The following CCDC85C variants were observed in gnomAD, a reference collection of about 807,000 sequenced individuals.
CCDC85C encodes the protein coiled-coil domain containing 85C.
CCDC85C carries 18 observed loss-of-function variants against 38.3 expected under a neutral mutation model. The ratio of observed to expected loss-of-function variants is 0.47; its 90% CI spans 0.33 to 0.70. The LOEUF is 0.70. Among genes scored for constraint, CCDC85C ranks in the 30% least tolerant of loss-of-function variants. The pLI is 0.03. For synonymous variants in CCDC85C, 264 were observed against 293.8 expected, an observed-to-expected ratio of 0.90 and a Z score of 1.04; for missense variants, 566 against 621.2, an observed-to-expected ratio of 0.91 and a Z score of 0.94.
intron 1 of CCDC85C, among the ~76,000 whole-genome samples, chr14:99,602,593 G>A (rs905258233): frequency 6.6e-6 from 1 of 152,110 alleles, no homozygotes; most frequent in Non-Finnish European, 1.5e-5. Flanking sequence ...TAGAAGGGCG[G>A]AATTTATGGC....
rs1897235439 is a variant in CCDC85C, at chr14:99,516,965, C to T, written c.1071+123G>A. On this transcript the variant is annotated intron_variant, in intron 4 of 5. Transcript: ENST00000380243. This position sits in a 1 kb window ranked among gnomAD's most constrained non-coding sequence, Gnocchi z 5.5. ...CTCCAGGCAGCCATGGTCACCCAGC[C>T]ACCCACACACAGATGAAACCTCCCA... is the stretch of plus-strand genomic sequence containing the variant. 2.2e-6 allele frequency: 2 copies of T among 896,050 alleles called. No homozygotes were observed. Among genetic ancestry groups the T allele is most frequent in the East Asian group, 5.3e-5 (2 of 37,854 alleles). 55.5% of individuals were successfully genotyped at this position (896,050 alleles called of 1,614,324 possible).
Position 99,504,311 on chromosome 14 carries a change from A to G in CCDC85C, c.*10935T>C, listed in dbSNP as rs1454032882. ...TCTTTGTTACTTGGTTCTTAGTTCC[A>G]GTAGTTCCTGGTTCTTAGAACCATG... is the stretch of plus-strand genomic sequence containing the variant. On this transcript the variant is annotated 3_prime_UTR_variant, in exon 6 of 6. Coordinates refer to ENST00000380243, the MANE Select transcript of CCDC85C (RefSeq NM_001144995.2). The G allele has an allele frequency of 6.5e-6, 1 of 155,032 alleles. No individual in the cohort carries two copies. The highest frequency in any genetic ancestry group is 2.4e-5 in the African/African-American group (1 of 41,254). The allele number at this position is 155,032 out of a possible 1,614,324, so 9.6% of individuals were successfully genotyped here.
chr14:99,589,860 C>T (rs2055066970), intron 1 of CCDC85C, among the ~76,000 whole-genome samples: 2 of 152,200 alleles, frequency 1.3e-5, no homozygotes, highest in Admixed American at 1.3e-4. Flanking sequence ...CTGCCTGCAC[C>T]CAGGGGTTCC....
At chr14:99,601,550 T>C (rs1351373085) in intron 1 of CCDC85C, among the ~76,000 whole-genome samples, 1 of 152,160 alleles carries the variant, frequency 6.6e-6, no homozygotes, top group Non-Finnish European at 1.5e-5. Flanking sequence ...CATTTCACTT[T>C]CCAGCCACGA....
intron 1 of CCDC85C, among the ~76,000 whole-genome samples, chr14:99,592,449 C>T (rs2055097866): frequency 6.6e-6 from 1 of 152,196 alleles, no homozygotes; most frequent in South Asian, 2.1e-4. Context: ...CAGCCCAGCC[C>T]AGGGCGATGT....
In CCDC85C at chr14:99,569,890, A is replaced by T. The variant is rs1292973474; in HGVS notation, c.793+33277T>A. On this transcript the variant is annotated intron_variant, in intron 1 of 5. Transcript: ENST00000380243. The surrounding 1 kb of genome is among the most constrained non-coding windows in gnomAD (Gnocchi z 4.3). ...GGCGGGAGGATAGCATGAGCCCAGG[A>T]GGTCAAGGCTGCAGTGAGCTATGAT... Among the ~76,000 whole-genome samples, 1 of 151,960 alleles carries T rather than the reference A, an allele frequency of 6.6e-6. No individual in the cohort carries two copies. Among genetic ancestry groups the T allele is most frequent in the East Asian group, 1.9e-4 (1 of 5,172 alleles).
rs1400964975 is a variant in CCDC85C, at chr14:99,558,464, T to C, written c.794-22376A>G. 1.3e-5 allele frequency among the ~76,000 whole-genome samples: 2 copies of C among 151,882 alleles called. No homozygotes were observed. The highest frequency in any genetic ancestry group is 2.9e-5 in the Non-Finnish European group (2 of 67,962). On this transcript the variant is annotated intron_variant, in intron 1 of 5. Coordinates refer to ENST00000380243, the MANE Select transcript of CCDC85C (RefSeq NM_001144995.2). The surrounding 1 kb of genome is among the most constrained non-coding windows in gnomAD (Gnocchi z 4.2). ...GGTGAAACCCCACCTCTACTAAAAA[T>C]ACAAAAATTAGCTGGGCGTGGTGGC...
At position 99,510,060 on chromosome 14, in the gene CCDC85C, C is replaced by T; in HGVS notation, c.*5186G>A. On this transcript the variant is annotated 3_prime_UTR_variant, in exon 6 of 6. Transcript: ENST00000380243. ...CACAGAGGAGGCGGGCAGCTGCTCC[C>T]TGCTCCTCTGTAAAGATGGCCCTGA... The T allele has an allele frequency of 3.9e-6, 5 of 1,283,036 alleles. No homozygotes were observed. The highest frequency in any genetic ancestry group is 5.3e-6 in the Non-Finnish European group (5 of 947,318). The allele number at this position is 1,283,036 out of a possible 1,614,324, so 79.5% of individuals were successfully genotyped here.
In CCDC85C at chr14:99,516,989, C is replaced by A; in HGVS notation, c.1071+99G>T. 8.7e-7 allele frequency: 1 copy of A among 1,144,780 alleles called. No homozygotes were observed. The highest frequency in any genetic ancestry group is 2.0e-5 in the Admixed American group (1 of 50,280). The allele number at this position is 1,144,780 out of a possible 1,614,324, so 70.9% of individuals were successfully genotyped here. On this transcript the variant is annotated intron_variant, in intron 4 of 5. Transcript: ENST00000380243. The surrounding 1 kb of genome is among the most constrained non-coding windows in gnomAD (Gnocchi z 5.5). ...CCACCCACACACAGATGAAACCTCC[C>A]ACCCCTGCCACTTGGATACCCCTAG...
intron 2 of CCDC85C, 40 bp from the exon 3 acceptor site, chr14:99,522,280 G>C (rs777401003): frequency 6.9e-7 from 1 of 1,453,376 alleles, no homozygotes; most frequent in South Asian, 1.2e-5. Flanking sequence ...CGGAGGGCCA[G>C]GCTGAGGAGG....
chr14:99,597,186 C>A (rs905078831), intron 1 of CCDC85C, among the ~76,000 whole-genome samples: 13 of 152,138 alleles, frequency 8.5e-5, no homozygotes, highest in East Asian at 1.9e-4. Flanking sequence ...GAACCACCAC[C>A]CCCCAAGCCA....
At position 99,603,247 on chromosome 14, in the gene CCDC85C, C is replaced by T; in HGVS notation, c.713G>A (p.Gly238Asp). 7.2e-7 allele frequency: 1 copy of T among 1,395,980 alleles called. No homozygotes were observed. The highest frequency in any genetic ancestry group is 9.3e-7 in the Non-Finnish European group (1 of 1,080,784). 86.5% of individuals were successfully genotyped at this position (1,395,980 alleles called of 1,614,324 possible). A position where few individuals can be genotyped will look rare whatever the true frequency, so the allele number is the denominator to read the frequency against. ...GGACCGACGTGTGGCTCCTGCCTTG[C>T]CGTCGGGGGCCTTGTGCGGCCCGGG... ...LPPGPHKAPD[G>D]KAGATRRSLD... Residue 238 changes from glycine (G) to aspartate (D), a missense_variant, in exon 1 of 6, where the codon GGC becomes GAC. By Grantham distance (94) the Gly-to-Asp change is moderately conservative. Coordinates refer to ENST00000380243, the MANE Select transcript of CCDC85C (RefSeq NM_001144995.2). This position sits in a 1 kb window ranked among gnomAD's most constrained non-coding sequence, Gnocchi z 7.5.
rs1471917020 is a variant in CCDC85C at position 99,512,682 on chromosome 14, C to T, written c.*2564G>A. The T allele has an allele frequency of 6.6e-6, 1 of 152,168 alleles. No homozygotes were observed. The highest frequency in any genetic ancestry group is 2.4e-5 in the African/African-American group (1 of 41,442). 9.4% of individuals were successfully genotyped at this position (152,168 alleles called of 1,614,324 possible). A position where few individuals can be genotyped will look rare whatever the true frequency, so the allele number is the denominator to read the frequency against. ...CCAGTGCCGCGTCCGGCTTCAAGATCAAGAGTCAGAGCCTTTGAAATGGAA... is the reference window on the plus strand; with the variant it reads ...CCAGTGCCGCGTCCGGCTTCAAGATTAAGAGTCAGAGCCTTTGAAATGGAA... On this transcript the variant is annotated 3_prime_UTR_variant, in exon 6 of 6. Coordinates refer to ENST00000380243, the MANE Select transcript of CCDC85C (RefSeq NM_001144995.2).
intron 1 of CCDC85C, among the ~76,000 whole-genome samples, chr14:99,568,352 A>G (rs1566776730): frequency 6.9e-6 from 1 of 145,312 alleles, no homozygotes; most frequent in Non-Finnish European, 1.5e-5. Context: ...GTTCATGCGC[A>G]TTTCTAAAGG....
intron 1 of CCDC85C, among the ~76,000 whole-genome samples, chr14:99,581,354 G>A (rs1457496738): frequency 2.6e-5 from 4 of 152,204 alleles, no homozygotes; most frequent in Non-Finnish European, 4.4e-5. Flanking sequence ...GCTGGACCCC[G>A]CCTGCAAAGA....
At chr14:99,571,212 A>T (rs1291649164) in intron 1 of CCDC85C, among the ~76,000 whole-genome samples, 1 of 152,180 alleles carries the variant, frequency 6.6e-6, no homozygotes, top group Non-Finnish European at 1.5e-5. Context: ...CTGGGAGACA[A>T]GAAGTCCCTT....
Position 99,581,451 on chromosome 14 carries a change from G to A in CCDC85C, c.793+21716C>T, listed in dbSNP as rs377623115. On this transcript the variant is annotated intron_variant, in intron 1 of 5. Coordinates refer to ENST00000380243, the MANE Select transcript of CCDC85C (RefSeq NM_001144995.2). ...GGACAGCGTATGAAGCCTCACACCT[G>A]GGGTCTGGCCTCGCTCCCCCCACCC... 9.2e-5 allele frequency among the ~76,000 whole-genome samples: 14 copies of A among 152,344 alleles called. No individual in the cohort carries two copies. The East Asian group carries it at 1.7e-3, about 19-fold the overall frequency.
At chr14:99,591,925 GGTTTCACCAT>G (rs1210498483) in intron 1 of CCDC85C, among the ~76,000 whole-genome samples, 1 of 152,054 alleles carries the variant, frequency 6.6e-6, no homozygotes, top group Non-Finnish European at 1.5e-5. Flanking sequence ...GTAGAGATGA[GGTTTCACCAT>G]GTTGGCCAGG....
In CCDC85C at chr14:99,576,883, G is replaced by A. The variant is rs1182209333; in HGVS notation, c.793+26284C>T. On this transcript the variant is annotated intron_variant, in intron 1 of 5. Coordinates refer to ENST00000380243, the MANE Select transcript of CCDC85C (RefSeq NM_001144995.2). The surrounding 1 kb of genome is among the most constrained non-coding windows in gnomAD (Gnocchi z 4.8). ...CACAGCGGGGCAGCACTCTCTCCGG[G>A]TCACCCCGGATGCCTTCAGCACAGC... Among the ~76,000 whole-genome samples, 1 of 151,990 alleles carries A rather than the reference G, an allele frequency of 6.6e-6. No homozygotes were observed. The highest frequency in any genetic ancestry group is 1.5e-5 in the Non-Finnish European group (1 of 67,980).
Sources: allele counts gnomAD v4.1 joint callset (sites outside exome capture counted in the v4.1 genomes callset), GRCh38; gene constraint gnomAD v4.1.1; non-coding constraint Gnocchi (gnomAD v3.1); transcripts MANE v1.5; gene names NCBI Gene and HGNC (gene_info 2026-07-23, HGNC 2026-07-21).